The following PAK5 variants were observed in gnomAD, a reference collection of about 807,000 sequenced individuals.
PAK5 encodes p21 (RAC1) activated kinase 5.
In PAK5, 16 loss-of-function variants were observed where a neutral mutation model predicts 65.9. The observed-to-expected ratio is 0.24, with a 90% CI of 0.16 to 0.37. The LOEUF (loss-of-function observed/expected upper bound fraction) is 0.37, where lower values mean the gene tolerates loss of function less well. Ranked by LOEUF, PAK5 falls within the 10% of genes least tolerant of loss-of-function variation. The probability of loss-of-function intolerance (pLI) is 1.00; values close to 1 mark genes in which losing one functional copy is unlikely to be tolerated. For missense variants in PAK5, 785 were observed against 903.9 expected (o/e 0.87, Z 1.69); for synonymous variants, 371 against 354.9 (o/e 1.05, Z -0.51).
chr20:9,750,288 A>G (rs1054344365), intron 1 of PAK5, among the ~76,000 whole-genome samples: 1 of 152,144 alleles, frequency 6.6e-6, no homozygotes, highest in African/African-American at 2.4e-5. Flanking sequence ...CTGCTTTAAG[A>G]TAAAAGTGAC....
chr20:9,703,051 C>T (rs1430149271), intron 2 of PAK5, among the ~76,000 whole-genome samples: 1 of 152,100 alleles, frequency 6.6e-6, no homozygotes, highest in African/African-American at 2.4e-5. Context: ...ATAGATTGTA[C>T]CTAAAACCTT....
At chr20:9,670,080 G>T (rs1388451981) in intron 2 of PAK5, among the ~76,000 whole-genome samples, 3 of 152,088 alleles carry the variant, frequency 2.0e-5, no homozygotes, top group Non-Finnish European at 2.9e-5. Flanking sequence ...CTTCATCCAT[G>T]TCCCTACAAA....
intron 1 of PAK5, among the ~76,000 whole-genome samples, chr20:9,829,064 T>C (rs1407849859): frequency 3.9e-5 from 6 of 152,212 alleles, no homozygotes; most frequent in South Asian, 2.1e-4. Context: ...GGCAATTCCA[T>C]TGAAAATTAG....
intron 3 of PAK5, among the ~76,000 whole-genome samples, chr20:9,612,303 T>A (rs115918123): frequency 0.019 from 2,943 of 152,256 alleles, 111 homozygotes; most frequent in African/African-American, 0.067. Flanking sequence ...AACATATTTC[T>A]CAGTGTATTT....
At chr20:9,539,681 G>A in intron 9 of PAK5, 64 bp from the exon 10 acceptor site, 1 of 1,385,016 alleles carries the variant, frequency 7.2e-7, no homozygotes, top group Non-Finnish European at 1.0e-6. Context: ...TCCCCAAAAT[G>A]TTTTCCCCAT....
At chr20:9,714,822 T>C (rs2048122665) in intron 1 of PAK5, among the ~76,000 whole-genome samples, 1 of 152,158 alleles carries the variant, frequency 6.6e-6, no homozygotes, top group Non-Finnish European at 1.5e-5. Flanking sequence ...TAAATGGTGC[T>C]GGGAAAACTG....
intron 1 of PAK5, among the ~76,000 whole-genome samples, chr20:9,802,926 A>ATATATATATATATATATATATATC (rs1379540957): frequency 3.0e-5 from 4 of 135,592 alleles, no homozygotes; most frequent in African/African-American, 1.1e-4. Context: ...ATATATATAT[A>ATATATATATATATATATATATATC]TATATATGAA....
intron 2 of PAK5, among the ~76,000 whole-genome samples, chr20:9,685,432 A>G (rs1029817481): frequency 2.0e-5 from 3 of 152,218 alleles, no homozygotes; most frequent in African/African-American, 7.2e-5. Context: ...ACACGGATAT[A>G]CACAGGGAGA....
intron 1 of PAK5, among the ~76,000 whole-genome samples, chr20:9,818,040 AAC>A (rs1215277486): frequency 6.6e-6 from 1 of 152,236 alleles, no homozygotes; most frequent in Non-Finnish European, 1.5e-5. Context: ...TTTAAAAAGA[AAC>A]ACAAAAGAAG....
At chr20:9,695,725 A>G (rs985905392) in intron 2 of PAK5, among the ~76,000 whole-genome samples, 3 of 152,078 alleles carry the variant, frequency 2.0e-5, no homozygotes, top group Admixed American at 2.0e-4. Context: ...CAACTGAATA[A>G]AAAGGATACT....
At chr20:9,542,449 T>C in intron 9 of PAK5, 137 bp downstream of exon 9, 2 of 862,710 alleles carry the variant, frequency 2.3e-6, no homozygotes, top group Admixed American at 3.6e-5. Context: ...GATTCAAACC[T>C]AAGTGACTAT....
At chr20:9,740,376 G>C (rs2048438074) in intron 1 of PAK5, among the ~76,000 whole-genome samples, 1 of 152,092 alleles carries the variant, frequency 6.6e-6, no homozygotes, top group South Asian at 2.1e-4. Flanking sequence ...AAGAGGCCTG[G>C]CTCTGTCTTT....
intron 3 of PAK5, among the ~76,000 whole-genome samples, chr20:9,632,712 A>C (rs2046937971): frequency 6.6e-6 from 1 of 152,214 alleles, no homozygotes; most frequent in South Asian, 2.1e-4. Context: ...CTGTGGTCTT[A>C]GGAAAAAACA....
chr20:9,822,493 T>C lies in PAK5; in HGVS notation c.-162+16269A>G, dbSNP rs16996432. On this transcript the variant is annotated intron_variant, in intron 1 of 9. Transcript: ENST00000353224. Reference sequence around the variant, plus strand: ...CCTATAGTTATATCATCTTGTTCATTTGGAAATGACTTTGAGGGCAACTTA... The same window carrying C: ...CCTATAGTTATATCATCTTGTTCATCTGGAAATGACTTTGAGGGCAACTTA... 3.0e-3 allele frequency among the ~76,000 whole-genome samples: 451 copies of C among 152,300 alleles called. 23 individuals are homozygous for C. The East Asian group carries it at 0.081, about 27-fold the overall frequency.
chr20:9,683,497 T>C (rs924642334), intron 2 of PAK5, among the ~76,000 whole-genome samples: 2 of 152,226 alleles, frequency 1.3e-5, no homozygotes, highest in Non-Finnish European at 2.9e-5. Flanking sequence ...TGCTTCTTTT[T>C]CCTTCTTCCT....
At chr20:9,767,783 T>G (rs2048786035) in intron 1 of PAK5, among the ~76,000 whole-genome samples, 1 of 152,160 alleles carries the variant, frequency 6.6e-6, no homozygotes, top group Admixed American at 6.6e-5. Flanking sequence ...GTACCTGGGA[T>G]TCTAGGGGAT....
chr20:9,664,745 A>C (rs979057211), intron 2 of PAK5, among the ~76,000 whole-genome samples: 1 of 152,172 alleles, frequency 6.6e-6, no homozygotes, highest in Non-Finnish European at 1.5e-5. Context: ...AAAATGGTTC[A>C]TAGCCTTCAG....
At chr20:9,754,955 T>C (rs960909674) in intron 1 of PAK5, among the ~76,000 whole-genome samples, 4 of 152,212 alleles carry the variant, frequency 2.6e-5, no homozygotes, top group African/African-American at 9.6e-5. Flanking sequence ...CAAGAGGCAA[T>C]ATATCTCAGG....
At chr20:9,719,301 G>C (rs1486501763) in intron 1 of PAK5, among the ~76,000 whole-genome samples, 1 of 152,180 alleles carries the variant, frequency 6.6e-6, no homozygotes, top group African/African-American at 2.4e-5. Flanking sequence ...AAAATTCTCA[G>C]AGCATACAGA....
Sources: allele counts gnomAD v4.1 joint callset (sites outside exome capture counted in the v4.1 genomes callset), GRCh38; gene constraint gnomAD v4.1.1; transcripts MANE v1.5; gene names NCBI Gene and HGNC (gene_info 2026-07-23, HGNC 2026-07-21).